Variants in PTGES3 observed in about 807,000 individuals in gnomAD.
PTGES3 encodes prostaglandin E synthase 3, also known as Hsp90 co-chaperone.
Under a neutral mutation model 29.9 loss-of-function variants are expected in PTGES3, and 5 were observed. The ratio of observed to expected loss-of-function variants is 0.17; its 90% confidence interval spans 0.09 to 0.35. The LOEUF is 0.35. Ranked by LOEUF, PTGES3 falls within the 10% of genes least tolerant of loss-of-function variation. The pLI, the probability that PTGES3 is intolerant of heterozygous loss-of-function variation, is 1.00. For missense variants in PTGES3, 128 were observed against 190.0 expected, an observed-to-expected ratio of 0.67 and a Z score of 1.92; for synonymous variants, 49 against 57.8, an observed-to-expected ratio of 0.85 and a Z score of 0.69.
chr12:56,670,502 G>T (rs1163948893), intron 4 of PTGES3, 138 bp from the exon 5 acceptor site: 2 of 638,710 alleles, frequency 3.1e-6, no homozygotes, highest in Non-Finnish European at 5.6e-6. Flanking sequence ...AGCATTCACA[G>T]GTGCAATCCC....
At chr12:56,673,618 A>T (rs1952094896) in intron 1 of PTGES3, among the ~76,000 whole-genome samples, 1 of 151,436 alleles carries the variant, frequency 6.6e-6, no homozygotes, top group Non-Finnish European at 1.5e-5. Context: ...ACATGGTGAA[A>T]CCCCATCTCT....
intron 6 of PTGES3, chr12:56,665,774 G>A (rs1190351650): frequency 1.9e-5 from 13 of 673,506 alleles, no homozygotes; most frequent in Non-Finnish European, 2.4e-5. Context: ...ACCAGTAGCT[G>A]GGATTACAGG....
chr12:56,685,363 T>TG (rs1952777638), intron 1 of PTGES3, among the ~76,000 whole-genome samples: 1 of 151,762 alleles, frequency 6.6e-6, no homozygotes, highest in Non-Finnish European at 1.5e-5. Context: ...CAAGTGGCAT[T>TG]GAATCACTCG....
intron 1 of PTGES3, among the ~76,000 whole-genome samples, chr12:56,684,320 CTAGT>C (rs905695304): frequency 3.3e-5 from 5 of 152,120 alleles, no homozygotes; most frequent in South Asian, 2.1e-4. Context: ...CTACTGCCTT[CTAGT>C]TAAAGTCTAA....
At chr12:56,676,881 A>C (rs1247549813) in intron 1 of PTGES3, among the ~76,000 whole-genome samples, 1 of 128,870 alleles carries the variant, frequency 7.8e-6, no homozygotes, top group African/African-American at 2.9e-5. Context: ...AGATCGTGCC[A>C]CTGCACTGCA....
intron 1 of PTGES3, among the ~76,000 whole-genome samples, chr12:56,677,288 TA>T: frequency 6.6e-6 from 1 of 151,932 alleles, no homozygotes; most frequent in Admixed American, 6.6e-5. Flanking sequence ...CATAAAACAT[TA>T]CCTTGAACAG....
At position 56,680,780 on chromosome 12, in the gene PTGES3, AG is replaced by A. The variant is rs1317749700; in HGVS notation, c.2+7217del. 2.8e-4 allele frequency among the ~76,000 whole-genome samples: 23 copies of A among 83,082 alleles called. No homozygotes were observed. The South Asian group carries it at 0.01, about 37-fold the overall frequency. 54.5% of individuals were successfully genotyped at this position (83,082 alleles called of 152,430 possible). On this transcript the variant is annotated intron_variant, in intron 1 of 7. Coordinates refer to ENST00000262033, the MANE Select transcript of PTGES3 (RefSeq NM_006601.7). The stretch of plus-strand genomic sequence containing the variant: ...CCACTTGTAGTTTTTGTTTTTTAAA[AG>A]TTTTTTTTTTTTTTTGAGACCAGTT...
At chr12:56,664,714 TTTTGAG>T in intron 7 of PTGES3, 56 bp downstream of exon 7, 2 of 1,539,292 alleles carry the variant, frequency 1.3e-6, no homozygotes, top group African/African-American at 1.4e-5. Flanking sequence ...AACATCTCTA[TTTTGAG>T]TTTGTTTTTT....
chr12:56,679,710 G>A (rs967141313), intron 1 of PTGES3, among the ~76,000 whole-genome samples: 3 of 151,848 alleles, frequency 2.0e-5, no homozygotes, highest in Non-Finnish European at 2.9e-5. Context: ...CTGTCACCCC[G>A]GAGTGACAGG....
intron 6 of PTGES3, chr12:56,665,484 G>A (rs1951751520): frequency 2.1e-6 from 2 of 952,090 alleles, no homozygotes; most frequent in African/African-American, 1.8e-5. Context: ...TAGTAGAGAT[G>A]GGGTTTCGCC....
At chr12:56,676,196 A>C (rs1370264258) in intron 1 of PTGES3, among the ~76,000 whole-genome samples, 2 of 144,408 alleles carry the variant, frequency 1.4e-5, no homozygotes, top group Non-Finnish European at 3.0e-5. Context: ...ACTGCACTAC[A>C]GCCTGGGCAA....
rs117693989 is a variant in PTGES3, at chr12:56,684,884, A to T, written c.2+3114T>A. 3.0e-3 allele frequency among the ~76,000 whole-genome samples: 452 copies of T among 152,294 alleles called. 7 individuals carry two copies. Among genetic ancestry groups the T allele is most frequent in the Admixed American group, 0.019 (288 of 15,268 alleles). ...TAACTACGAAATCGCTGAAGAGCAA[A>T]TGAGTAAATCAAATGAGAAAACACA... On this transcript the variant is annotated intron_variant, in intron 1 of 7. Coordinates refer to ENST00000262033, the MANE Select transcript of PTGES3 (RefSeq NM_006601.7).
chr12:56,666,614 T>A (rs544486053), intron 5 of PTGES3, among the ~76,000 whole-genome samples: 2 of 152,084 alleles, frequency 1.3e-5, no homozygotes, highest in African/African-American at 4.8e-5. Flanking sequence ...TTAAGTTAGG[T>A]GGAACATGTA....
rs1952974283 is a variant in PTGES3 at position 56,688,100 on chromosome 12, C to T, written c.-101G>A. ...CTCTCCGGTGGCGACTCCGCTTTTTCTCTCCGGTCGCGGCCTCTTCTCGCT... is the reference window on the plus strand; with the variant it reads ...CTCTCCGGTGGCGACTCCGCTTTTTTTCTCCGGTCGCGGCCTCTTCTCGCT... On this transcript the variant is annotated 5_prime_UTR_variant, in exon 1 of 8. Coordinates refer to ENST00000262033, the MANE Select transcript of PTGES3 (RefSeq NM_006601.7). 2.1e-6 allele frequency: 3 copies of T among 1,433,566 alleles called. No individual in the cohort carries two copies. 88.8% of individuals were successfully genotyped at this position (1,433,566 alleles called of 1,614,324 possible).
intron 1 of PTGES3, among the ~76,000 whole-genome samples, chr12:56,678,926 G>A (rs1039375013): frequency 3.9e-5 from 6 of 152,112 alleles, no homozygotes; most frequent in Non-Finnish European, 5.9e-5. Flanking sequence ...AGACCAGCCT[G>A]GGCAACACTG....
intron 1 of PTGES3, chr12:56,687,795 G>T: frequency 7.0e-7 from 1 of 1,432,840 alleles, no homozygotes; most frequent in South Asian, 1.4e-5. Flanking sequence ...GAACGGTTCA[G>T]GGGTGGGGGA....
intron 1 of PTGES3, among the ~76,000 whole-genome samples, chr12:56,680,833 C>T (rs2137693863): frequency 6.7e-6 from 1 of 149,760 alleles, no homozygotes; most frequent in Admixed American, 6.7e-5. Flanking sequence ...GGCTGGAGTG[C>T]TGTGGCGTGA....
Position 56,688,166 on chromosome 12 carries a change from C to T in PTGES3, c.-167G>A. 2 of 1,261,494 alleles carry T rather than the reference C, an allele frequency of 1.6e-6. No individual in the cohort carries two copies. Among genetic ancestry groups the T allele is most frequent in the South Asian group, 1.7e-5 (1 of 59,232 alleles). The allele number at this position is 1,261,494 out of a possible 1,614,324, so 78.1% of individuals were successfully genotyped here. ...CGGCAGCGGCGGGCTCGACCTCGGG[C>T]CCCAGAATGCACCGCGCGGAAAGAG... is the stretch of plus-strand genomic sequence containing the variant. On this transcript the variant is annotated 5_prime_UTR_variant, in exon 1 of 8. Transcript: ENST00000262033.
Position 56,687,316 on chromosome 12 carries a change from T to A in PTGES3, c.2+682A>T, listed in dbSNP as rs1041220337. On this transcript the variant is annotated intron_variant, in intron 1 of 7. Coordinates refer to ENST00000262033, the MANE Select transcript of PTGES3 (RefSeq NM_006601.7). ...CAAAGTCGACACGTGCGGAACTACC[T>A]GCTCAATGGTAACTCCTCCTCGCTG... 1.5e-5 allele frequency: 15 copies of A among 989,586 alleles called. No homozygotes were observed. In the African/African-American group the frequency reaches 2.4e-4, roughly 16 times the overall value. 61.3% of individuals were successfully genotyped at this position (989,586 alleles called of 1,614,324 possible).
Sources: gnomAD v4.1 joint callset for allele counts (sites outside exome capture counted in the v4.1 genomes callset) on GRCh38, gnomAD v4.1.1 for gene constraint, MANE v1.5 for transcripts, NCBI Gene and HGNC (gene_info 2026-07-23, HGNC 2026-07-21) for gene names.